NDRG4: variants seen among roughly 807,000 people sequenced by gnomAD.
NDRG4 encodes the protein NDRG family member 4.
In NDRG4, 38 loss-of-function variants were observed where a neutral mutation model predicts 55.8. The ratio of observed to expected loss-of-function variants is 0.68; its 90% CI spans 0.53 to 0.89. NDRG4 has a LOEUF of 0.89. Among genes scored for constraint, NDRG4 ranks in the 40% least tolerant of loss-of-function variants. The probability of loss-of-function intolerance (pLI) is 0.00; values close to 1 mark genes in which losing one functional copy is unlikely to be tolerated. For synonymous variants in NDRG4, 190 were observed against 182.7 expected (o/e 1.04, Z -0.32); for missense variants, 455 against 468.6 (o/e 0.97, Z 0.27).
At chr16:58,500,092 C>T (rs2036874284), upstream of NDRG4, 3 of 1,509,554 alleles carry the variant, frequency 2.0e-6, no homozygotes, top group African/African-American at 2.8e-5. Context: ...GAGGGGCTAG[C>T]TAGGCTGGGC....
chr16:58,514,884 G>C (rs2039068178), downstream of NDRG4, among the ~76,000 whole-genome samples: 1 of 151,502 alleles, frequency 6.6e-6, no homozygotes, highest in South Asian at 2.1e-4. Context: ...TACTTCCCCA[G>C]GTTTAACCAC....
downstream of NDRG4, among the ~76,000 whole-genome samples, chr16:58,514,767 GAAA>G (rs60036706): frequency 0.017 from 2,176 of 131,156 alleles, 21 homozygotes; most frequent in Non-Finnish European, 0.026. Context: ...AAAAAAAAAG[GAAA>G]AAAAAAAAAA....
chr16:58,494,948 G>C, intron 2 of NDRG4: 1 of 1,613,304 alleles, frequency 6.2e-7, no homozygotes, highest in Admixed American at 1.7e-5. Context: ...CACCCCCTCT[G>C]TTTGCCTTCC....
At chr16:58,492,551 T>TGTGTGTGTGTGA (rs1342930103) in intron 2 of NDRG4, among the ~76,000 whole-genome samples, 2 of 43,994 alleles carry the variant, frequency 4.5e-5, no homozygotes, top group East Asian at 4.9e-4. Context: ...TGTGTGTGTG[T>TGTGTGTGTGTGA]GAGAGACAGA....
chr16:58,492,484 T>G (rs1472677010), intron 2 of NDRG4, among the ~76,000 whole-genome samples: 1 of 145,560 alleles, frequency 6.9e-6, no homozygotes. Flanking sequence ...CATTATCTGC[T>G]CCACCGTGTG....
Position 58,464,608 on chromosome 16 carries a change from G to A in NDRG4, c.-24+811G>A. ...ACTAAGTCCTAGTTTTGTGCTACCT[G>A]TTTGTGTGCGGAGCCCAGCCCCGGG... is the stretch of plus-strand genomic sequence containing the variant. On this transcript the variant is annotated intron_variant, in intron 1 of 15. Coordinates refer to the NDRG4 transcript ENST00000258187. The surrounding 1 kb of genome is among the most constrained non-coding windows in gnomAD (Gnocchi z 4.8). 1.0e-6 allele frequency: 1 copy of A among 974,278 alleles called. No individual in the cohort carries two copies. The highest frequency in any genetic ancestry group is 1.4e-6 in the Non-Finnish European group (1 of 736,782). 60.4% of individuals were successfully genotyped at this position (974,278 alleles called of 1,614,324 possible).
chr16:58,497,301 A>G (rs1480532560), upstream of NDRG4, among the ~76,000 whole-genome samples: 4 of 152,138 alleles, frequency 2.6e-5, no homozygotes, highest in Non-Finnish European at 5.9e-5. Flanking sequence ...CAGCCTGGGC[A>G]ACAGAGCAAG....
In NDRG4 at chr16:58,464,307, C is replaced by G. The variant is rs2031136034; in HGVS notation, c.-24+510C>G. The stretch of plus-strand genomic sequence containing the variant: ...AGAGCGCTCCTGGCTGTGAGCTGCT[C>G]CTGCCGCTTCGCTCCGCGCTCTCCT... On this transcript the variant is annotated intron_variant, in intron 1 of 15. Coordinates refer to the NDRG4 transcript ENST00000258187. This position sits in a 1 kb window ranked among gnomAD's most constrained non-coding sequence, Gnocchi z 4.8. 3.7e-6 allele frequency: 3 copies of G among 805,826 alleles called. No homozygotes were observed. The African/African-American group carries it at 5.4e-5, about 15-fold the overall frequency. The allele number at this position is 805,826 out of a possible 1,614,324, so 49.9% of individuals were successfully genotyped here.
In NDRG4 at chr16:58,466,426, T is replaced by C. The variant is rs1426467026; in HGVS notation, c.-24+2629T>C. Among the ~76,000 whole-genome samples, 7 of 152,202 alleles carry C rather than the reference T, an allele frequency of 4.6e-5. No individual in the cohort carries two copies. The East Asian group carries it at 1.3e-3, about 29-fold the overall frequency. ...GGATGAGAAATGCTCACAGGAGACA[T>C]GTGTGGGGGGCTCAAGCAGGGGTCT... On this transcript the variant is annotated intron_variant, in intron 1 of 15. Coordinates refer to the NDRG4 transcript ENST00000258187.
chr16:58,490,313 G>C (rs563097158), intron 2 of NDRG4, among the ~76,000 whole-genome samples: 8 of 152,106 alleles, frequency 5.3e-5, no homozygotes, highest in African/African-American at 1.9e-4. Flanking sequence ...CTGTGGTCCA[G>C]CAGGGCCCCC....
At chr16:58,490,250 C>T (rs2035621463) in intron 2 of NDRG4, among the ~76,000 whole-genome samples, 1 of 152,234 alleles carries the variant, frequency 6.6e-6, no homozygotes, top group Non-Finnish European at 1.5e-5. Flanking sequence ...CTGAAGTGTG[C>T]AGGTTGCGGG....
At chr16:58,499,765 C>G, upstream of NDRG4, 1 of 245,240 alleles carries the variant, frequency 4.1e-6, no homozygotes, top group South Asian at 4.6e-5. Flanking sequence ...CTGCCCTGCC[C>G]CGCATTGGTA....
upstream of NDRG4, among the ~76,000 whole-genome samples, chr16:58,496,756 C>T (rs1170270877): frequency 2.0e-5 from 3 of 152,122 alleles, no homozygotes; most frequent in East Asian, 1.9e-4. Context: ...CTGACCGTGA[C>T]GAGTGGCCAC....
At chr16:58,510,780 C>A in intron 14 of NDRG4, 97 bp downstream of exon 14, 1 of 1,190,030 alleles carries the variant, frequency 8.4e-7, no homozygotes, top group Non-Finnish European at 1.2e-6. Context: ...CCGCATCTTG[C>A]TGTGGTTTGG....
intron 1 of NDRG4, among the ~76,000 whole-genome samples, chr16:58,478,402 AGT>A (rs770687583): frequency 2.7e-5 from 4 of 148,676 alleles, no homozygotes; most frequent in South Asian, 2.1e-4. Context: ...AAAAAAAAAA[AGT>A]GTCAAGGTTA....
intron 1 of NDRG4, among the ~76,000 whole-genome samples, chr16:58,467,578 A>G (rs1161205716): frequency 2.6e-5 from 4 of 152,146 alleles, no homozygotes; most frequent in Non-Finnish European, 5.9e-5. Flanking sequence ...CTGTCTTGCC[A>G]GTGAAGTCAG....
In NDRG4 at chr16:58,486,925, A is replaced by G. The variant is rs545854603; in HGVS notation, c.-23-831A>G. ...CTTTCAACATCACTCGGCCTGCCACACCACCAGGGCCTCTACTCCCACCCA... is the reference window on the plus strand; with the variant it reads ...CTTTCAACATCACTCGGCCTGCCACGCCACCAGGGCCTCTACTCCCACCCA... On this transcript the variant is annotated intron_variant, in intron 1 of 15. Coordinates refer to the NDRG4 transcript ENST00000258187. 5.0e-3 allele frequency among the ~76,000 whole-genome samples: 760 copies of G among 151,740 alleles called. 10 individuals are homozygous for G. The highest frequency in any genetic ancestry group is 0.017 in the African/African-American group (722 of 41,328).
At chr16:58,467,824 G>C (rs1335716222) in intron 1 of NDRG4, among the ~76,000 whole-genome samples, 1 of 152,212 alleles carries the variant, frequency 6.6e-6, no homozygotes, top group African/African-American at 2.4e-5. Context: ...AGCTTCTGGC[G>C]GGCGGATAGT....
chr16:58,506,140 GTGTGTGTGTGTGTGTGTC>G (rs913487471), intron 5 of NDRG4: 35 of 634,082 alleles, frequency 5.5e-5, no homozygotes, highest in African/African-American at 3.8e-4. Context: ...GAGCGTGTGT[GTGTGTGTGTGTGTGTGTC>G]TGTGTGTGTG....
Sources: gnomAD v4.1 joint callset for allele counts (sites outside exome capture counted in the v4.1 genomes callset) on GRCh38, gnomAD v4.1.1 for gene constraint, Gnocchi (gnomAD v3.1) non-coding constraint, MANE v1.5 for transcripts, NCBI Gene and HGNC (gene_info 2026-07-23, HGNC 2026-07-21) for gene names.